The following STXBP5L variants were observed in gnomAD, a reference collection of about 807,000 sequenced individuals.
STXBP5L encodes syntaxin binding protein 5L, also known as syntaxin-binding protein 5-like.
In STXBP5L, 65 loss-of-function variants were observed where a neutral mutation model predicts 144.5. The ratio of observed to expected loss-of-function variants is 0.45; its 90% CI spans 0.37 to 0.55. The LOEUF (loss-of-function observed/expected upper bound fraction) is 0.55, where lower values mean the gene tolerates loss of function less well. STXBP5L is among the 20% of genes least tolerant of loss of function. The probability of loss-of-function intolerance (pLI) is 0.00; values close to 1 mark genes in which losing one functional copy is unlikely to be tolerated. For missense variants in STXBP5L, 1,298 were observed against 1,405.5 expected (o/e 0.92, Z 1.22); for synonymous variants, 505 against 469.6 (o/e 1.08, Z -0.97).
rs533273192 is a variant in STXBP5L, at chr3:121,328,338, T to C, written c.2176+9798T>C. ...AAGATTCTTGTGAAGTACAGACAAT[T>C]GTTATCCTTATTTTACAGAGGAAGG... On this transcript the variant is annotated intron_variant, in intron 20 of 26. Transcript: ENST00000471454. 3.9e-5 allele frequency among the ~76,000 whole-genome samples: 6 copies of C among 152,366 alleles called. No individual in the cohort carries two copies. The South Asian group carries it at 1.2e-3, about 32-fold the overall frequency.
chr3:121,111,672 C>T (rs570154569), intron 5 of STXBP5L, among the ~76,000 whole-genome samples: 1 of 152,120 alleles, frequency 6.6e-6, no homozygotes. Context: ...TGTCTGGTGA[C>T]CCTTGTTGGG....
chr3:121,036,976 G>A (rs1188429726), intron 3 of STXBP5L, among the ~76,000 whole-genome samples: 1 of 151,808 alleles, frequency 6.6e-6, no homozygotes, highest in African/African-American at 2.4e-5. Flanking sequence ...ACCCAGGCTT[G>A]AGTTCAGTGG....
chr3:121,024,485 A>T (rs529775090), intron 3 of STXBP5L, among the ~76,000 whole-genome samples: 1 of 152,242 alleles, frequency 6.6e-6, no homozygotes, highest in East Asian at 1.9e-4. Flanking sequence ...AATACCTTTC[A>T]GTGTTCTGTC....
chr3:121,112,100 G>T (rs1042437225), intron 5 of STXBP5L, among the ~76,000 whole-genome samples: 16 of 152,190 alleles, frequency 1.1e-4, no homozygotes, highest in South Asian at 2.1e-4. Flanking sequence ...AAAAGTGGCA[G>T]AATGGAGCTG....
chr3:121,312,446 C>CATTTTT (rs1468535221), intron 19 of STXBP5L, among the ~76,000 whole-genome samples: 2 of 12,754 alleles, frequency 1.6e-4, no homozygotes, highest in South Asian at 6.4e-3. Flanking sequence ...GTATGTCAAT[C>CATTTTT]TTTTTTTTTT....
chr3:121,371,763 T>A (rs1357666712), intron 20 of STXBP5L, among the ~76,000 whole-genome samples: 1 of 152,226 alleles, frequency 6.6e-6, no homozygotes, highest in Non-Finnish European at 1.5e-5. Context: ...GGCCGCCCAG[T>A]GCCAAGGCCA....
intron 3 of STXBP5L, among the ~76,000 whole-genome samples, chr3:121,005,651 C>T (rs1327479424): frequency 1.3e-5 from 2 of 152,086 alleles, no homozygotes; most frequent in Admixed American, 1.3e-4. Flanking sequence ...GTTAGGGTGT[C>T]AATTTTGGAT....
intron 18 of STXBP5L, among the ~76,000 whole-genome samples, chr3:121,274,312 C>T (rs1358441937): frequency 6.6e-6 from 1 of 152,208 alleles, no homozygotes. Flanking sequence ...CAGGTATGGT[C>T]TCAATGCAGT....
intron 3 of STXBP5L, among the ~76,000 whole-genome samples, chr3:120,962,335 T>A (rs975794714): frequency 6.6e-6 from 1 of 152,220 alleles, no homozygotes; most frequent in Admixed American, 6.5e-5. Context: ...GGTGTTTTAG[T>A]CATGAATTCC....
intron 7 of STXBP5L, among the ~76,000 whole-genome samples, chr3:121,135,228 C>T (rs990091768): frequency 3.3e-5 from 5 of 152,122 alleles, no homozygotes; most frequent in Non-Finnish European, 7.4e-5. Context: ...CTGTTCATAT[C>T]CTTTGCCCAC....
intron 22 of STXBP5L, among the ~76,000 whole-genome samples, chr3:121,382,291 CTT>C (rs770512388): frequency 5.3e-5 from 8 of 151,966 alleles, no homozygotes; most frequent in Non-Finnish European, 1.0e-4. Context: ...GAAGGTTACA[CTT>C]GTGTTTTCTT....
At chr3:121,066,252 G>C (rs1056771147) in intron 5 of STXBP5L, among the ~76,000 whole-genome samples, 5 of 151,964 alleles carry the variant, frequency 3.3e-5, no homozygotes, top group South Asian at 4.2e-4. Context: ...TGATTGTAGG[G>C]GGAATGTTTT....
intron 3 of STXBP5L, among the ~76,000 whole-genome samples, chr3:120,992,909 A>G (rs747138853): frequency 6.6e-6 from 1 of 152,082 alleles, no homozygotes; most frequent in Non-Finnish European, 1.5e-5. Context: ...ACTAATTTAC[A>G]CTGCCGCCAC....
intron 9 of STXBP5L, among the ~76,000 whole-genome samples, chr3:121,187,409 G>C: frequency 7.1e-6 from 1 of 141,574 alleles, no homozygotes; most frequent in Admixed American, 7.0e-5. Context: ...TGTAGGGTGG[G>C]GGGAGCGGGG....
intron 2 of STXBP5L, chr3:120,924,519 A>G (rs1450596163): frequency 6.6e-6 from 1 of 152,430 alleles, no homozygotes; most frequent in African/African-American, 2.4e-5. Flanking sequence ...TTCTGGTCTC[A>G]GAGAAAAATG....
intron 3 of STXBP5L, among the ~76,000 whole-genome samples, chr3:121,031,564 T>C (rs1254061296): frequency 6.6e-6 from 1 of 152,086 alleles, no homozygotes; most frequent in African/African-American, 2.4e-5. Flanking sequence ...TCAGAATTCT[T>C]TCTCAGGGAA....
intron 3 of STXBP5L, among the ~76,000 whole-genome samples, chr3:120,955,680 A>G (rs662467): frequency 0.86 from 131,204 of 151,918 alleles, 56,970 homozygotes; most frequent in Non-Finnish European, 0.91. Flanking sequence ...TAGCATCTTA[A>G]AAAACTATAG....
chr3:121,000,895 C>T (rs921201986), intron 3 of STXBP5L, among the ~76,000 whole-genome samples: 3 of 152,196 alleles, frequency 2.0e-5, no homozygotes, highest in Non-Finnish European at 4.4e-5. Context: ...CTCAACTCAG[C>T]ACTCTTGGGC....
chr3:121,421,021 AAC>A lies in STXBP5L; in HGVS notation c.*1928_*1929del, dbSNP rs2047343163. 1 of 151,734 alleles carries A rather than the reference AAC, an allele frequency of 6.6e-6. No individual in the cohort carries two copies. The highest frequency in any genetic ancestry group is 1.5e-5 in the Non-Finnish European group (1 of 68,018). 9.4% of individuals were successfully genotyped at this position (151,734 alleles called of 1,614,324 possible). On this transcript the variant is annotated 3_prime_UTR_variant, in exon 27 of 27. Coordinates refer to ENST00000471454, the MANE Select transcript of STXBP5L (RefSeq NM_001308330.2). The stretch of plus-strand genomic sequence containing the variant: ...TTACGGTAACAGAATCTGGCTTGGA[AAC>A]ACAGACATTACATGACTGTATAATT...
Sources: allele counts gnomAD v4.1 joint callset (sites outside exome capture counted in the v4.1 genomes callset), GRCh38; gene constraint gnomAD v4.1.1; transcripts MANE v1.5; gene names NCBI Gene and HGNC (gene_info 2026-07-23, HGNC 2026-07-21).